ADGRV1: variants seen among roughly 807,000 people sequenced by gnomAD.
The protein encoded by ADGRV1 is G-protein coupled receptor 98.
A neutral mutation model predicts 596.2 loss-of-function variants in ADGRV1; 359 were observed. That is an observed-to-expected ratio of 0.60 (90% confidence interval 0.55 to 0.66). The LOEUF is 0.66. Ranked by LOEUF, ADGRV1 falls within the 30% of genes least tolerant of loss-of-function variation. The pLI is 0.00. For synonymous variants in ADGRV1, 2,681 were observed against 2,679.2 expected, an observed-to-expected ratio of 1.00 and a Z score of -0.02; for missense variants, 7,274 against 7,575.6, an observed-to-expected ratio of 0.96 and a Z score of 1.48.
chr5:90,595,994 G>A (rs1404406289), intron 1 of ADGRV1, among the ~76,000 whole-genome samples: 4 of 148,966 alleles, frequency 2.7e-5, no homozygotes, highest in Non-Finnish European at 4.5e-5. Context: ...CTTTTCAGAC[G>A]GGGCGGCTGC....
rs569649488 is a variant in ADGRV1 at position 91,042,317 on chromosome 5, T to C, written c.18153-30130T>C. Among the ~76,000 whole-genome samples, 3 of 152,330 alleles carry C rather than the reference T, an allele frequency of 2.0e-5. No individual in the cohort carries two copies. The South Asian group carries it at 6.2e-4, about 32-fold the overall frequency. On this transcript the variant is annotated intron_variant, in intron 85 of 89. Coordinates refer to ENST00000405460, the MANE Select transcript of ADGRV1 (RefSeq NM_032119.4). Reference sequence around the variant, plus strand: ...AATAAATATCACAGTACAGTTGATATATTAAAAACAACAGCTTTCTTACAG... The same window carrying C: ...AATAAATATCACAGTACAGTTGATACATTAAAAACAACAGCTTTCTTACAG...
chr5:90,873,504 A>C (rs1768908244), intron 83 of ADGRV1, among the ~76,000 whole-genome samples: 1 of 152,198 alleles, frequency 6.6e-6, no homozygotes, highest in African/African-American at 2.4e-5. Flanking sequence ...TCTAAGCCCC[A>C]ACCCCCCGTT....
chr5:90,971,781 A>C (rs1019957256), intron 84 of ADGRV1, among the ~76,000 whole-genome samples: 2 of 152,258 alleles, frequency 1.3e-5, no homozygotes, highest in African/African-American at 2.4e-5. Flanking sequence ...TGCTAGGAAG[A>C]AACTGCATCA....
intron 77 of ADGRV1, among the ~76,000 whole-genome samples, chr5:90,834,454 C>T (rs966178355): frequency 2.0e-5 from 3 of 152,134 alleles, no homozygotes; most frequent in African/African-American, 7.2e-5. Flanking sequence ...CTAAACATGT[C>T]ATGCTACACT....
chr5:90,605,468 T>A (rs1447707570), intron 1 of ADGRV1, among the ~76,000 whole-genome samples: 1 of 151,558 alleles, frequency 6.6e-6, no homozygotes, highest in Non-Finnish European at 1.5e-5. Context: ...TTAGATCAGA[T>A]ATTTACTTGC....
chr5:91,066,128 A>G (rs1177509464), intron 85 of ADGRV1, among the ~76,000 whole-genome samples: 1 of 152,208 alleles, frequency 6.6e-6, no homozygotes, highest in Non-Finnish European at 1.5e-5. Context: ...CTCTTCTCAT[A>G]TCTGCCAGAT....
chr5:90,966,530 C>CAAAAAA (rs67304974), intron 84 of ADGRV1, among the ~76,000 whole-genome samples: 64 of 100,676 alleles, frequency 6.4e-4, no homozygotes, highest in Non-Finnish European at 8.4e-4. Context: ...GAAACTCTGC[C>CAAAAAA]AAAAAAAAAA....
intron 84 of ADGRV1, among the ~76,000 whole-genome samples, chr5:90,968,776 A>T (rs562726795): frequency 6.6e-6 from 1 of 152,278 alleles, no homozygotes; most frequent in East Asian, 1.9e-4. Flanking sequence ...GTTCAATCCT[A>T]TTAGTTGAAT....
At chr5:90,790,789 TTA>T in intron 69 of ADGRV1, 82 bp from the exon 70 acceptor site, 2 of 865,136 alleles carry the variant, frequency 2.3e-6, no homozygotes, top group Non-Finnish European at 1.8e-6. Context: ...TTTTTGTATA[TTA>T]TAGAGAAAAA....
intron 79 of ADGRV1, among the ~76,000 whole-genome samples, chr5:90,852,086 GT>G (rs1243906254): frequency 6.6e-6 from 1 of 152,098 alleles, no homozygotes; most frequent in Non-Finnish European, 1.5e-5. Flanking sequence ...GGTATGTGAG[GT>G]CCACACAAAT....
intron 1 of ADGRV1, among the ~76,000 whole-genome samples, chr5:90,589,372 G>A (rs1742877741): frequency 6.6e-6 from 1 of 152,118 alleles, no homozygotes. Context: ...TTCTTCAAAG[G>A]TAAGTTTTAG....
At chr5:90,591,051 G>A (rs188249063) in intron 1 of ADGRV1, among the ~76,000 whole-genome samples, 23 of 152,016 alleles carry the variant, frequency 1.5e-4, no homozygotes, top group Admixed American at 1.3e-3. Context: ...ATCACATCAG[G>A]GTAAATGGGG....
At chr5:90,777,456 A>G (rs1758368242) in intron 61 of ADGRV1, among the ~76,000 whole-genome samples, 1 of 152,168 alleles carries the variant, frequency 6.6e-6, no homozygotes, top group Admixed American at 6.5e-5. Flanking sequence ...GGAAGCAACT[A>G]TCAATGGCAT....
chr5:90,893,522 A>G (rs190444928), intron 83 of ADGRV1, among the ~76,000 whole-genome samples: 1 of 152,280 alleles, frequency 6.6e-6, no homozygotes, highest in Non-Finnish European at 1.5e-5. Flanking sequence ...GGCTATATAA[A>G]GTCAAACTAT....
chr5:90,646,811 G>A (rs566134745), intron 16 of ADGRV1, among the ~76,000 whole-genome samples: 2 of 134,034 alleles, frequency 1.5e-5, no homozygotes, highest in East Asian at 4.3e-4. Context: ...ATATTGCCCT[G>A]TCACCAGGCT....
intron 86 of ADGRV1, among the ~76,000 whole-genome samples, chr5:91,077,546 C>T (rs546933680): frequency 7.9e-5 from 12 of 152,332 alleles, no homozygotes; most frequent in Non-Finnish European, 1.2e-4. Context: ...ATAAGCACCT[C>T]ATAAATGGAA....
chr5:90,650,035 C>G (rs1010783649), intron 17 of ADGRV1, among the ~76,000 whole-genome samples: 1 of 151,606 alleles, frequency 6.6e-6, no homozygotes, highest in East Asian at 2.0e-4. Flanking sequence ...TGACAAAAAT[C>G]TCTAGAGCTT....
Position 90,774,226 on chromosome 5 carries a change from A to G in ADGRV1, c.12326A>G (p.Asp4109Gly). ...QKTIVLHTLQDTVLEEDRRFT... is the reference protein window; with the variant it reads ...QKTIVLHTLQGTVLEEDRRFT... ...ACCATTGTGTTGCACACACTTCAAG[A>G]CACAGTGTTGGAGGAGGACAGGCGT... The change falls in exon 60 of 90, where the codon GAC (aspartate) becomes GGC (glycine). Residue 4109 changes from aspartate to glycine, a missense_variant. By Grantham distance (94) the Asp-to-Gly change is moderately conservative (BLOSUM62 -1). This residue lies in a region of ADGRV1 where 3,643 missense variants were observed against 3,809.2 expected (regional missense o/e 0.96). Transcript: ENST00000405460. 1 of 1,611,264 alleles carries G rather than the reference A, an allele frequency of 6.2e-7. No homozygotes were observed. Among genetic ancestry groups the G allele is most frequent in the Middle Eastern group, 1.7e-4 (1 of 6,042 alleles).
At chr5:90,927,310 G>T (rs1332373584) in intron 83 of ADGRV1, among the ~76,000 whole-genome samples, 3 of 151,176 alleles carry the variant, frequency 2.0e-5, no homozygotes, top group East Asian at 1.9e-4. Flanking sequence ...TTATGAATCT[G>T]GGTGCTCCTG....
Sources: allele counts gnomAD v4.1 joint callset (sites outside exome capture counted in the v4.1 genomes callset), GRCh38; gene constraint gnomAD v4.1.1; regional missense constraint gnomAD v4.1.1; transcripts MANE v1.5; gene names NCBI Gene and HGNC (gene_info 2026-07-23, HGNC 2026-07-21).